SNX29: variants seen among roughly 807,000 people sequenced by gnomAD.
The protein encoded by SNX29 is sorting nexin-29.
Under a neutral mutation model 102.1 loss-of-function variants are expected in SNX29, and 78 were observed. That is an observed-to-expected ratio of 0.76 (90% CI 0.64 to 0.92). SNX29 has a LOEUF of 0.92. Among genes scored for constraint, SNX29 ranks in the 40% least tolerant of loss-of-function variants. The pLI is 0.00. For synonymous variants in SNX29, 580 were observed against 414.5 expected, an observed-to-expected ratio of 1.40 and a Z score of -4.85; for missense variants, 1,280 against 1,061.7, an observed-to-expected ratio of 1.21 and a Z score of -2.86.
chr16:12,103,124 C>T (rs995822824), intron 11 of SNX29, among the ~76,000 whole-genome samples: 3 of 152,198 alleles, frequency 2.0e-5, no homozygotes, highest in Non-Finnish European at 4.4e-5. Context: ...AATGGCCATA[C>T]TGCCTAAAGT....
intron 3 of SNX29, among the ~76,000 whole-genome samples, chr16:12,010,172 A>T (rs1244868759): frequency 1.3e-5 from 2 of 152,206 alleles, no homozygotes; most frequent in Non-Finnish European, 2.9e-5. Context: ...GGCAGGTAGT[A>T]AGTTTCCAGT....
chr16:12,318,832 C>T (rs2080838451), intron 15 of SNX29, among the ~76,000 whole-genome samples: 1 of 152,140 alleles, frequency 6.6e-6, no homozygotes, highest in Non-Finnish European at 1.5e-5. Context: ...GTGTGCATTC[C>T]TCTAGAGACC....
chr16:12,293,229 A>G (rs1303899705), intron 15 of SNX29, among the ~76,000 whole-genome samples: 4 of 152,170 alleles, frequency 2.6e-5, no homozygotes, highest in Non-Finnish European at 5.9e-5. Flanking sequence ...GGTGTGAGTC[A>G]CCACGCCTGA....
chr16:12,388,112 C>T (rs563677598), intron 16 of SNX29, among the ~76,000 whole-genome samples: 5 of 152,350 alleles, frequency 3.3e-5, no homozygotes, highest in Admixed American at 6.5e-5. Flanking sequence ...GCCTTTTGCA[C>T]GTGCCGAGCT....
intron 15 of SNX29, among the ~76,000 whole-genome samples, chr16:12,352,137 C>G (rs975723839): frequency 5.9e-5 from 9 of 152,098 alleles, no homozygotes; most frequent in African/African-American, 9.7e-5. Flanking sequence ...CAATGATAGA[C>G]TGGATTAAAG....
At chr16:12,414,938 G>C (rs975794171) in intron 18 of SNX29, among the ~76,000 whole-genome samples, 5 of 152,268 alleles carry the variant, frequency 3.3e-5, no homozygotes, top group East Asian at 1.9e-4. Context: ...GGCTAGGCTG[G>C]TCTCGAACTC....
intron 8 of SNX29, among the ~76,000 whole-genome samples, chr16:12,059,439 G>A (rs1394413211): frequency 6.6e-6 from 1 of 152,196 alleles, no homozygotes; most frequent in Non-Finnish European, 1.5e-5. Flanking sequence ...TCGCGGGAGC[G>A]GCTCTTCTTT....
At chr16:12,523,005 C>T (rs1229631822) in intron 19 of SNX29, among the ~76,000 whole-genome samples, 2 of 152,116 alleles carry the variant, frequency 1.3e-5, no homozygotes, top group Non-Finnish European at 1.5e-5. Context: ...AGAGATTGGG[C>T]CTTGTTATGT....
intron 13 of SNX29, among the ~76,000 whole-genome samples, chr16:12,170,338 C>T (rs745521055): frequency 2.0e-5 from 3 of 151,698 alleles, no homozygotes; most frequent in Admixed American, 6.6e-5. Context: ...TGTGAGCTGG[C>T]GACTGGGGAG....
At chr16:12,492,544 A>G (rs2088603341) in intron 19 of SNX29, among the ~76,000 whole-genome samples, 1 of 151,970 alleles carries the variant, frequency 6.6e-6, no homozygotes, top group Non-Finnish European at 1.5e-5. Flanking sequence ...ATTAGATCCC[A>G]TTTGTCAATT....
chr16:12,554,294 A>G (rs143107930), intron 20 of SNX29, among the ~76,000 whole-genome samples: 6 of 152,320 alleles, frequency 3.9e-5, no homozygotes, highest in Middle Eastern at 3.4e-3. Context: ...TGCTTGCTTC[A>G]TATGAGGTTT....
At chr16:12,410,637 C>T (rs577082541) in intron 18 of SNX29, among the ~76,000 whole-genome samples, 1 of 151,950 alleles carries the variant, frequency 6.6e-6, no homozygotes, top group South Asian at 2.1e-4. Context: ...TCTCACTGTG[C>T]TGCCTAGGCT....
At chr16:12,257,018 C>G (rs1006097204) in intron 14 of SNX29, among the ~76,000 whole-genome samples, 1 of 152,168 alleles carries the variant, frequency 6.6e-6, no homozygotes, top group Admixed American at 6.5e-5. Context: ...CCGTGGATTT[C>G]AATGGGCTGA....
intron 20 of SNX29, among the ~76,000 whole-genome samples, chr16:12,561,679 A>C (rs2078732196): frequency 6.6e-6 from 1 of 152,188 alleles, no homozygotes; most frequent in Non-Finnish European, 1.5e-5. Flanking sequence ...GCCCTCACAC[A>C]CAGACCCCCT....
intron 20 of SNX29, among the ~76,000 whole-genome samples, chr16:12,567,798 A>G (rs142514005): frequency 1.3e-5 from 2 of 152,272 alleles, no homozygotes; most frequent in East Asian, 3.9e-4. Flanking sequence ...ACCACATCAC[A>G]GGACTTCCTG....
intron 3 of SNX29, among the ~76,000 whole-genome samples, chr16:12,026,251 C>T (rs776971553): frequency 9.9e-5 from 15 of 152,152 alleles, no homozygotes; most frequent in Non-Finnish European, 1.3e-4. Flanking sequence ...CTGTCCTTGC[C>T]CCATCGCCAC....
intron 20 of SNX29, chr16:12,546,665 A>G (rs1215664575): frequency 1.3e-5 from 2 of 152,212 alleles, no homozygotes; most frequent in Non-Finnish European, 2.9e-5. Context: ...AGAGTGGATA[A>G]ATCTTCCTTT....
At chr16:12,163,843 C>T (rs1461215802) in intron 13 of SNX29, among the ~76,000 whole-genome samples, 2 of 152,016 alleles carry the variant, frequency 1.3e-5, no homozygotes, top group African/African-American at 2.4e-5. Context: ...TGGTACTGTT[C>T]CGTGGTGCAG....
At chr16:12,406,791 C>T (rs372199667) in intron 18 of SNX29, among the ~76,000 whole-genome samples, 45 of 152,176 alleles carry the variant, frequency 3.0e-4, no homozygotes, top group African/African-American at 8.9e-4. Flanking sequence ...TGCCTGTAAT[C>T]CCAGCTACTT....
Sources: allele counts gnomAD v4.1 joint callset (sites outside exome capture counted in the v4.1 genomes callset), GRCh38; gene constraint gnomAD v4.1.1; transcripts MANE v1.5; gene names NCBI Gene and HGNC (gene_info 2026-07-23, HGNC 2026-07-21).